Variants in ADGRG7 observed in about 807,000 individuals in gnomAD.
The protein encoded by ADGRG7 is G-protein coupled receptor 128.
Under a neutral mutation model 88.6 loss-of-function variants are expected in ADGRG7, and 82 were observed. That is an observed-to-expected ratio of 0.93 (90% CI 0.77 to 1.11). The LOEUF is 1.11. ADGRG7 is among the 50% of genes most tolerant of loss of function. ADGRG7 has a pLI of 0.00. For missense variants in ADGRG7, 945 were observed against 953.4 expected, an observed-to-expected ratio of 0.99 and a Z score of 0.12; for synonymous variants, 381 against 345.2, an observed-to-expected ratio of 1.10 and a Z score of -1.15.
chr3:100,652,900 A>C (rs973726656), intron 11 of ADGRG7, among the ~76,000 whole-genome samples: 5 of 152,208 alleles, frequency 3.3e-5, no homozygotes, highest in Admixed American at 3.3e-4. Flanking sequence ...ACATTAGGTA[A>C]GCATGAGAAG....
intron 2 of ADGRG7, 73 bp from the exon 3 acceptor site, chr3:100,630,632 C>T (rs1189041206): frequency 4.7e-6 from 3 of 636,332 alleles, no homozygotes; most frequent in Non-Finnish European, 6.9e-6. Flanking sequence ...TAGGTTCTGA[C>T]CTTTGACTTT....
At chr3:100,661,047 G>C (rs769708534) in intron 14 of ADGRG7, among the ~76,000 whole-genome samples, 2 of 151,906 alleles carry the variant, frequency 1.3e-5, no homozygotes, top group Admixed American at 6.5e-5. Flanking sequence ...TGTGCTTTCT[G>C]ATTTACCAGT....
Position 100,622,353 on chromosome 3 carries a change from C to T in ADGRG7, c.116-7245C>T, listed in dbSNP as rs151138622. 6.2e-3 allele frequency among the ~76,000 whole-genome samples: 939 copies of T among 150,680 alleles called. 15 individuals carry two copies. The highest frequency in any genetic ancestry group is 0.022 in the African/African-American group (901 of 40,956). ...ACTATCCTCTCTCCATTGAATTTCC[C>T]TTGCTTCTTTGTTGAGGAGCAGTTG... On this transcript the variant is annotated intron_variant, in intron 1 of 15. Coordinates refer to ENST00000273352, the MANE Select transcript of ADGRG7 (RefSeq NM_032787.3).
At chr3:100,690,941 G>A (rs2094992472) in intron 15 of ADGRG7, among the ~76,000 whole-genome samples, 1 of 152,190 alleles carries the variant, frequency 6.6e-6, no homozygotes, top group African/African-American at 2.4e-5. Context: ...GCTGCCTTTT[G>A]TTTGTGCCCT....
intron 14 of ADGRG7, among the ~76,000 whole-genome samples, chr3:100,666,691 G>A (rs201179183): frequency 3.3e-5 from 5 of 152,114 alleles, no homozygotes; most frequent in Non-Finnish European, 5.9e-5. Flanking sequence ...GACCCTTTAC[G>A]GGTGTCAGGC....
intron 3 of ADGRG7, 133 bp downstream of exon 3, chr3:100,630,942 C>T (rs1707451576): frequency 4.9e-6 from 2 of 404,532 alleles, no homozygotes; most frequent in Non-Finnish European, 8.8e-6. Context: ...AACTCCCTTT[C>T]GTGATGCTAA....
At position 100,695,080 on chromosome 3, in the gene ADGRG7, C is replaced by A; in HGVS notation, c.*79C>A. 1 of 1,439,174 alleles carries A rather than the reference C, an allele frequency of 6.9e-7. No individual in the cohort carries two copies. Among genetic ancestry groups the A allele is most frequent in the Non-Finnish European group, 9.5e-7 (1 of 1,055,640 alleles). The allele number at this position is 1,439,174 out of a possible 1,614,324, so 89.2% of individuals were successfully genotyped here. A position where few individuals can be genotyped will look rare whatever the true frequency, so the allele number is the denominator to read the frequency against. ...TGTTTCTCTCCTTTATTTCCCAGTCCTCTCAGAAAGTCTTCCTCAATGTAT... is the reference window on the plus strand; with the variant it reads ...TGTTTCTCTCCTTTATTTCCCAGTCATCTCAGAAAGTCTTCCTCAATGTAT... On this transcript the variant is annotated 3_prime_UTR_variant, in exon 16 of 16. Transcript: ENST00000273352.
At chr3:100,681,737 A>G (rs2094973752) in intron 15 of ADGRG7, among the ~76,000 whole-genome samples, 2 of 152,340 alleles carry the variant, frequency 1.3e-5, no homozygotes, top group African/African-American at 4.8e-5. Flanking sequence ...TACTCTCTGT[A>G]GTATGGAAAC....
rs1173292570 is a variant in ADGRG7 at position 100,637,398 on chromosome 3, A to G, written c.694A>G (p.Thr232Ala). 6.2e-7 allele frequency: 1 copy of G among 1,609,110 alleles called. No individual in the cohort carries two copies. The highest frequency in any genetic ancestry group is 1.7e-5 in the Admixed American group (1 of 60,012). Residue 232 changes from threonine (T) to alanine (A), a missense_variant, in exon 6 of 16, where the codon ACA (threonine) becomes GCA (alanine). Coordinates refer to ENST00000273352, the MANE Select transcript of ADGRG7 (RefSeq NM_032787.3). ...TGCTACTGCTAATGATGATGCCCTT[A>G]CAACGTAAGCACAAATTCAATTTGG... is the stretch of plus-strand genomic sequence containing the variant. Reference protein sequence around the residue: ...VAATANDDALTTLIEQMETYS... With the variant: ...VAATANDDALATLIEQMETYS...
chr3:100,692,500 G>C (rs1266570789), intron 15 of ADGRG7, among the ~76,000 whole-genome samples: 1 of 152,142 alleles, frequency 6.6e-6, no homozygotes, highest in Non-Finnish European at 1.5e-5. Flanking sequence ...AATTATAAAA[G>C]AGAGGTTCGT....
chr3:100,641,044 G>A (rs996712716), intron 6 of ADGRG7, among the ~76,000 whole-genome samples: 46 of 152,146 alleles, frequency 3.0e-4, no homozygotes, highest in African/African-American at 9.6e-4. Context: ...GAGATTTATC[G>A]TAAATAGGCA....
At chr3:100,640,214 C>G (rs1423055413) in intron 6 of ADGRG7, among the ~76,000 whole-genome samples, 2 of 152,222 alleles carry the variant, frequency 1.3e-5, no homozygotes, top group African/African-American at 2.4e-5. Context: ...ACAACATTTG[C>G]TTTCCAAACT....
intron 12 of ADGRG7, 113 bp downstream of exon 12, chr3:100,655,294 A>G: frequency 1.4e-6 from 1 of 708,800 alleles, no homozygotes; most frequent in South Asian, 2.0e-5. Flanking sequence ...AAGAGGAGAT[A>G]GAAAATATAG....
chr3:100,636,348 G>T (rs557552747), intron 5 of ADGRG7, among the ~76,000 whole-genome samples: 1 of 152,304 alleles, frequency 6.6e-6, no homozygotes, highest in South Asian at 2.1e-4. Flanking sequence ...AGTGTTTCAA[G>T]AATTTAATTT....
At chr3:100,639,274 A>G (rs1707599452) in intron 6 of ADGRG7, among the ~76,000 whole-genome samples, 1 of 152,194 alleles carries the variant, frequency 6.6e-6, no homozygotes, top group Non-Finnish European at 1.5e-5. Flanking sequence ...GTTCTAAGTA[A>G]TTAGCATTCT....
At chr3:100,621,441 T>C (rs866971940) in intron 1 of ADGRG7, among the ~76,000 whole-genome samples, 3 of 151,866 alleles carry the variant, frequency 2.0e-5, no homozygotes, top group Non-Finnish European at 4.4e-5. Flanking sequence ...AATAAAAGAG[T>C]CTTTTTGCTG....
At chr3:100,669,911 A>C (rs1266442381) in intron 15 of ADGRG7, among the ~76,000 whole-genome samples, 7 of 151,916 alleles carry the variant, frequency 4.6e-5, no homozygotes, top group African/African-American at 1.2e-4. Flanking sequence ...GGTGGCATGC[A>C]CCTGTAATTG....
chr3:100,666,559 CG>C (rs1263799481), intron 14 of ADGRG7, among the ~76,000 whole-genome samples: 1 of 152,112 alleles, frequency 6.6e-6, no homozygotes, highest in Non-Finnish European at 1.5e-5. Flanking sequence ...GTAGATGGAC[CG>C]TACAATCGGG....
At chr3:100,683,417 C>T (rs1010157285) in intron 15 of ADGRG7, among the ~76,000 whole-genome samples, 24 of 152,202 alleles carry the variant, frequency 1.6e-4, no homozygotes, top group Non-Finnish European at 2.2e-4. Context: ...TGTCACCAAG[C>T]TTCTGGGTGT....
Sources: gnomAD v4.1 joint callset for allele counts (sites outside exome capture counted in the v4.1 genomes callset) on GRCh38, gnomAD v4.1.1 for gene constraint, MANE v1.5 for transcripts, NCBI Gene and HGNC (gene_info 2026-07-23, HGNC 2026-07-21) for gene names.